Variants in FAM184A observed in about 807,000 individuals in gnomAD.
FAM184A encodes the protein family with sequence similarity 184 member A, also known as protein FAM184A.
FAM184A carries 99 observed loss-of-function variants against 143.8 expected under a neutral mutation model. That is an observed-to-expected ratio of 0.69 (90% CI 0.58 to 0.81). The LOEUF is 0.81. Among genes scored for constraint, FAM184A ranks in the 40% least tolerant of loss-of-function variants. FAM184A has a pLI of 0.00. For missense variants in FAM184A, 1,217 were observed against 1,310.5 expected (o/e 0.93, Z 1.10); for synonymous variants, 427 against 446.4 (o/e 0.96, Z 0.55).
At chr6:119,059,986 T>C (rs1210035647) in intron 1 of FAM184A, among the ~76,000 whole-genome samples, 2 of 152,258 alleles carry the variant, frequency 1.3e-5, no homozygotes, top group Non-Finnish European at 1.5e-5. Flanking sequence ...CTCCATTTAA[T>C]AGGTATAAAT....
At chr6:119,013,798 A>G (rs1194118334) in intron 5 of FAM184A, among the ~76,000 whole-genome samples, 7 of 152,252 alleles carry the variant, frequency 4.6e-5, no homozygotes, top group Non-Finnish European at 8.8e-5. Flanking sequence ...AAAGGAAAGC[A>G]CACTGAGGCA....
chr6:119,010,960 C>T (rs113655790), intron 6 of FAM184A, among the ~76,000 whole-genome samples: 22 of 152,228 alleles, frequency 1.4e-4, no homozygotes, highest in African/African-American at 5.3e-4. Context: ...ATTCTAGCTA[C>T]CATCCTCAGT....
chr6:119,085,518 C>G (rs1169229463), intron 1 of FAM184A, among the ~76,000 whole-genome samples: 2 of 152,146 alleles, frequency 1.3e-5, no homozygotes, highest in Non-Finnish European at 2.9e-5. Flanking sequence ...AAAATTTAAC[C>G]AGTTTCTAGG....
At position 119,033,262 on chromosome 6, in the gene FAM184A, T is replaced by C. The variant is rs188112922; in HGVS notation, c.160-8449A>G. Among the ~76,000 whole-genome samples the C allele has an allele frequency of 9.2e-5, 14 of 152,198 alleles. No individual in the cohort carries two copies. The East Asian group carries it at 2.7e-3, about 29-fold the overall frequency. ...TTTTAAAACTGGCTTGCTTCGGAGG[T>C]GATGAAATTGCACAAATCCTTCCAT... On this transcript the variant is annotated intron_variant, in intron 1 of 17. Coordinates refer to ENST00000338891, the MANE Select transcript of FAM184A (RefSeq NM_024581.6).
intron 14 of FAM184A, among the ~76,000 whole-genome samples, chr6:118,969,534 G>A (rs1056298602): frequency 1.1e-4 from 17 of 152,222 alleles, no homozygotes; most frequent in African/African-American, 2.9e-4. Flanking sequence ...ATACTATTCC[G>A]ATATCCATTT....
At chr6:119,022,465 AAAAATATTTGT>A (rs1324923534) in intron 3 of FAM184A, among the ~76,000 whole-genome samples, 1 of 152,220 alleles carries the variant, frequency 6.6e-6, no homozygotes, top group African/African-American at 2.4e-5. Flanking sequence ...CCTAAAAATA[AAAAATATTTGT>A]GTATCTTATA....
intron 1 of FAM184A, among the ~76,000 whole-genome samples, chr6:119,117,108 T>C (rs1789081506): frequency 6.6e-6 from 1 of 152,186 alleles, no homozygotes; most frequent in African/African-American, 2.4e-5. Flanking sequence ...ATTGCAATCA[T>C]CGAGTTTGGA....
At position 119,010,951 on chromosome 6, in the gene FAM184A, T is replaced by C. The variant is rs533520829; in HGVS notation, c.1653+358A>G. ...CTGTAATTCAAATTAAGCCTACTGA[T>C]TCTAGCTACCATCCTCAGTTTCTGT... is the stretch of plus-strand genomic sequence containing the variant. On this transcript the variant is annotated intron_variant, in intron 6 of 17. Coordinates refer to ENST00000338891, the MANE Select transcript of FAM184A (RefSeq NM_024581.6). Among the ~76,000 whole-genome samples the C allele has an allele frequency of 2.0e-5, 3 of 152,300 alleles. No individual in the cohort carries two copies. The South Asian group carries it at 6.2e-4, about 32-fold the overall frequency.
chr6:119,011,762 TTA>T (rs1785098799), intron 5 of FAM184A, among the ~76,000 whole-genome samples: 1 of 152,252 alleles, frequency 6.6e-6, no homozygotes, highest in Admixed American at 6.5e-5. Flanking sequence ...TCAAATTCTT[TTA>T]TGTTTGCATA....
chr6:118,999,672 C>T (rs908614816), intron 9 of FAM184A, among the ~76,000 whole-genome samples: 1 of 152,178 alleles, frequency 6.6e-6, no homozygotes, highest in Admixed American at 6.5e-5. Context: ...ACTTTATACT[C>T]CTGACCAGTT....
intron 1 of FAM184A, among the ~76,000 whole-genome samples, chr6:119,102,803 A>AAAAAAAAAG (rs1562151169): frequency 4.9e-5 from 7 of 142,670 alleles, no homozygotes; most frequent in Admixed American, 3.4e-4. Context: ...AAAAAAAAAA[A>AAAAAAAAAG]AAAAGAAAAG....
chr6:119,040,823 C>T (rs545830453), intron 1 of FAM184A, among the ~76,000 whole-genome samples: 18 of 152,264 alleles, frequency 1.2e-4, no homozygotes, highest in African/African-American at 4.3e-4. Context: ...CACCCACTTG[C>T]TTTTTAAGTT....
chr6:119,003,644 A>G (rs1784834686), intron 7 of FAM184A, 22 bp from the exon 8 acceptor site: 3 of 1,586,722 alleles, frequency 1.9e-6, no homozygotes, highest in East Asian at 2.3e-5. Context: ...AAACTTTTCA[A>G]TGAAGACTAA....
chr6:119,122,265 A>G (rs534793758), intron 1 of FAM184A, among the ~76,000 whole-genome samples: 1 of 152,320 alleles, frequency 6.6e-6, no homozygotes, highest in East Asian at 1.9e-4. Flanking sequence ...TCTTGCATTA[A>G]TAGGGTTTCT....
At chr6:118,986,004 G>A (rs764083439) in intron 9 of FAM184A, among the ~76,000 whole-genome samples, 4 of 152,098 alleles carry the variant, frequency 2.6e-5, no homozygotes, top group Admixed American at 2.6e-4. Context: ...GTTAAGAAAA[G>A]TAAATTTGGC....
chr6:119,031,523 A>G (rs897946764), intron 1 of FAM184A: 1 of 152,194 alleles, frequency 6.6e-6, no homozygotes, highest in Non-Finnish European at 1.5e-5. Flanking sequence ...TAAGAAATAA[A>G]TTTTTATTGT....
At chr6:119,094,024 C>T (rs1225006185) in intron 1 of FAM184A, among the ~76,000 whole-genome samples, 1 of 139,762 alleles carries the variant, frequency 7.2e-6, no homozygotes, top group African/African-American at 2.6e-5. Flanking sequence ...CCCTCTCTCC[C>T]TTCTTTCCTT....
chr6:119,141,440 G>A (rs537925180), intron 1 of FAM184A, among the ~76,000 whole-genome samples: 7 of 152,286 alleles, frequency 4.6e-5, no homozygotes, highest in South Asian at 2.1e-4. Context: ...TGGCGTGGGC[G>A]GGGGGAGGAT....
rs553944929 is a variant in FAM184A at position 119,016,627 on chromosome 6, C to T, written c.1530+120G>A. 5.5e-5 allele frequency: 43 copies of T among 780,098 alleles called. No homozygotes were observed. In the African/African-American group the frequency reaches 5.9e-4, roughly 11 times the overall value. The allele number at this position is 780,098 out of a possible 1,614,324, so 48.3% of individuals were successfully genotyped here. A position where few individuals can be genotyped will look rare whatever the true frequency, so the allele number is the denominator to read the frequency against. ...CCACCTTAAGAGCTGTAACACTCAC[C>T]GCGGGGGTCCGTGGGTTTATTCTTG... On this transcript the variant is annotated intron_variant, in intron 5 of 17. Coordinates refer to ENST00000338891, the MANE Select transcript of FAM184A (RefSeq NM_024581.6).
Sources: allele counts gnomAD v4.1 joint callset (sites outside exome capture counted in the v4.1 genomes callset), GRCh38; gene constraint gnomAD v4.1.1; transcripts MANE v1.5; gene names NCBI Gene and HGNC (gene_info 2026-07-23, HGNC 2026-07-21).